PRH1: variants seen among roughly 807,000 people sequenced by gnomAD.
The protein encoded by PRH1 is salivary acidic proline-rich phosphoprotein 1/2.
PRH1 carries 7 observed loss-of-function variants against 7.9 expected under a neutral mutation model. The observed-to-expected ratio is 0.89, with a 90% CI of 0.50 to 1.67. PRH1 has a LOEUF of 1.67. PRH1 is among the 40% of genes most tolerant of loss of function. The pLI, the probability that PRH1 is intolerant of heterozygous loss-of-function variation, is 0.00. For missense variants in PRH1, 109 were observed against 223.6 expected (o/e 0.49, Z 3.27); for synonymous variants, 45 against 80.8 (o/e 0.56, Z 2.38).
chr12:10,999,741 T>C (rs1434532733), intron 1 of PRH1, among the ~76,000 whole-genome samples: 2 of 152,154 alleles, frequency 1.3e-5, no homozygotes, highest in East Asian at 3.9e-4. Context: ...AATTTCTTTA[T>C]ACTTTACCAG....
intron 1 of PRH1, among the ~76,000 whole-genome samples, chr12:10,995,346 C>A (rs1403379248): frequency 2.7e-5 from 4 of 149,672 alleles, no homozygotes; most frequent in African/African-American, 9.8e-5. Flanking sequence ...ACAAACAAAT[C>A]AGATGTGGAG....
chr12:11,162,146 C>T (rs1947436839), intron 1 of PRH1, among the ~76,000 whole-genome samples: 1 of 152,130 alleles, frequency 6.6e-6, no homozygotes, highest in Non-Finnish European at 1.5e-5. Flanking sequence ...TAATGAAGAA[C>T]ATCCAGAGGG....
At chr12:10,916,547 C>T (rs1949974946) in intron 2 of PRH1, among the ~76,000 whole-genome samples, 1 of 151,810 alleles carries the variant, frequency 6.6e-6, no homozygotes, top group African/African-American at 2.4e-5. Context: ...ATAACAGTAA[C>T]AACCACATAA....
chr12:10,997,316 G>A (rs182211928), intron 1 of PRH1: 6 of 1,614,034 alleles, frequency 3.7e-6, no homozygotes, highest in Non-Finnish European at 5.1e-6. Context: ...CAGAGTGAAT[G>A]GTATCAAGTT....
upstream of PRH1, chr12:11,048,886 C>T (rs1943022144): frequency 7.2e-6 from 2 of 278,456 alleles, no homozygotes; most frequent in Admixed American, 3.8e-5. Context: ...ATTCTTAATC[C>T]TTTTCTTTAG....
At chr12:11,127,714 C>T (rs1478769148) in intron 1 of PRH1, among the ~76,000 whole-genome samples, 1 of 152,288 alleles carries the variant, frequency 6.6e-6, no homozygotes, top group Non-Finnish European at 1.5e-5. Flanking sequence ...GGCTTTTCAG[C>T]CCATTTTCAA....
intron 1 of PRH1, chr12:11,061,297 A>C: frequency 6.5e-7 from 1 of 1,531,928 alleles, no homozygotes. Context: ...ACACAGTAAG[A>C]AATATAAAAT....
chr12:11,073,791 A>T (rs1944184341), intron 1 of PRH1, among the ~76,000 whole-genome samples: 1 of 152,194 alleles, frequency 6.6e-6, no homozygotes, highest in African/African-American at 2.4e-5. Context: ...CGTGGGCATT[A>T]TAGGACTCTG....
At chr12:11,003,889 T>C (rs529823147) in intron 1 of PRH1, among the ~76,000 whole-genome samples, 16 of 152,014 alleles carry the variant, frequency 1.1e-4, no homozygotes, top group Non-Finnish European at 1.5e-5. Flanking sequence ...AGTTTGTTCA[T>C]TTTGATTGCT....
chr12:11,042,887 C>T (rs1942766698), intron 1 of PRH1, among the ~76,000 whole-genome samples: 1 of 151,948 alleles, frequency 6.6e-6, no homozygotes, highest in African/African-American at 2.4e-5. Context: ...ACTCAGCCTC[C>T]CAAAGTGCTG....
At chr12:11,085,950 A>G (rs1226194465) in intron 1 of PRH1, among the ~76,000 whole-genome samples, 13,835 of 69,214 alleles carry the variant, frequency 0.2, 452 homozygotes, top group Non-Finnish European at 0.27. Flanking sequence ...TTTCAATGCC[A>G]GGTTTATGGA....
chr12:10,997,891 C>G (rs1175827519), intron 1 of PRH1: 3 of 1,546,598 alleles, frequency 1.9e-6, no homozygotes, highest in Non-Finnish European at 2.6e-6. Flanking sequence ...AACAAAAAAG[C>G]AAGTAAAAAA....
At chr12:11,023,423 T>C (rs1040941838) in intron 1 of PRH1, among the ~76,000 whole-genome samples, 2 of 152,174 alleles carry the variant, frequency 1.3e-5, no homozygotes, top group Admixed American at 6.5e-5. Context: ...ATATTTACAC[T>C]CAAGTCTGTT....
At chr12:11,129,199 G>C (rs1434204556) in intron 1 of PRH1, among the ~76,000 whole-genome samples, 1 of 152,298 alleles carries the variant, frequency 6.6e-6, no homozygotes. Context: ...ACAGGCATGA[G>C]CCATCACATC....
intron 1 of PRH1, among the ~76,000 whole-genome samples, chr12:11,111,131 A>G (rs973811682): frequency 1.3e-5 from 2 of 152,358 alleles, no homozygotes; most frequent in South Asian, 2.1e-4. Flanking sequence ...CACCCAATAC[A>G]GGGGCACCCA....
chr12:11,138,247 T>C (rs1946609785), intron 1 of PRH1, among the ~76,000 whole-genome samples: 1 of 152,148 alleles, frequency 6.6e-6, no homozygotes, highest in Admixed American at 6.5e-5. Flanking sequence ...AGCCAAATTC[T>C]TGTAAATGCT....
At chr12:11,031,904 G>C (rs1461565226) in intron 1 of PRH1, among the ~76,000 whole-genome samples, 1 of 152,134 alleles carries the variant, frequency 6.6e-6, no homozygotes, top group Non-Finnish European at 1.5e-5. Flanking sequence ...TGAATATCCT[G>C]ACCTTAAATT....
intron 1 of PRH1, chr12:11,022,295 G>A (rs202167741): frequency 1.9e-6 from 3 of 1,614,148 alleles, no homozygotes; most frequent in Admixed American, 1.7e-5. Flanking sequence ...ATGCTGAAAT[G>A]GTTCGTTACA....
intron 1 of PRH1, among the ~76,000 whole-genome samples, chr12:11,072,053 T>C (rs1384616405): frequency 6.6e-6 from 1 of 152,146 alleles, no homozygotes; most frequent in African/African-American, 2.4e-5. Flanking sequence ...GACTCGCATA[T>C]TGTTTTCAGG....
Sources: gnomAD v4.1 joint callset for allele counts (sites outside exome capture counted in the v4.1 genomes callset) on GRCh38, gnomAD v4.1.1 for gene constraint, MANE v1.5 for transcripts, NCBI Gene and HGNC (gene_info 2026-07-23, HGNC 2026-07-21) for gene names.